The following AVEN variants were observed in gnomAD, a reference collection of about 807,000 sequenced individuals.
The protein encoded by AVEN is apoptosis and caspase activation inhibitor, also known as cell death regulator Aven.
Under a neutral mutation model 38.1 loss-of-function variants are expected in AVEN, and 41 were observed. The ratio of observed to expected loss-of-function variants is 1.08; its 90% confidence interval spans 0.84 to 1.40. The LOEUF (loss-of-function observed/expected upper bound fraction) is 1.40, where lower values mean the gene tolerates loss of function less well. AVEN is among the 40% of genes most tolerant of loss of function. The probability of loss-of-function intolerance (pLI) is 0.00; values close to 1 mark genes in which losing one functional copy is unlikely to be tolerated. For missense variants in AVEN, 605 were observed against 438.8 expected, an observed-to-expected ratio of 1.38 and a Z score of -3.38; for synonymous variants, 206 against 171.8, an observed-to-expected ratio of 1.20 and a Z score of -1.56.
chr15:34,038,281 T>C (rs1470066569), intron 1 of AVEN, among the ~76,000 whole-genome samples: 1 of 152,194 alleles, frequency 6.6e-6, no homozygotes, highest in Non-Finnish European at 1.5e-5. Context: ...CTCAACAAAC[T>C]TTTTATTATG....
chr15:34,064,690 C>T (rs1156424073), intron 4 of AVEN: 3 of 233,028 alleles, frequency 1.3e-5, no homozygotes, highest in African/African-American at 4.6e-5. Flanking sequence ...CCTGTGGAAA[C>T]CTGTCATAGA....
At chr15:33,939,276 T>C (rs990458638) in intron 2 of AVEN, among the ~76,000 whole-genome samples, 3 of 152,248 alleles carry the variant, frequency 2.0e-5, no homozygotes, top group African/African-American at 7.2e-5. Context: ...ATGTGTTCAA[T>C]AGTATTTAAA....
At chr15:34,053,798 G>C (rs111293185) in intron 5 of AVEN, among the ~76,000 whole-genome samples, 24,636 of 152,130 alleles carry the variant, frequency 0.16, 2,490 homozygotes, top group Middle Eastern at 0.26. Context: ...AGCATTAAAA[G>C]CAATTGCAAC....
intron 2 of AVEN, among the ~76,000 whole-genome samples, chr15:33,979,254 T>G (rs1248639854): frequency 6.6e-6 from 1 of 152,094 alleles, no homozygotes; most frequent in Non-Finnish European, 1.5e-5. Flanking sequence ...AGGCACGGTG[T>G]CCCATGCCTG....
downstream of AVEN, chr15:33,865,281 GTC>G: frequency 7.6e-7 from 1 of 1,310,788 alleles, no homozygotes; most frequent in Non-Finnish European, 1.1e-6. Context: ...ATGAAATAAA[GTC>G]CCCTTTTTAC....
chr15:33,978,752 G>A (rs941166582), intron 2 of AVEN, among the ~76,000 whole-genome samples: 2 of 152,056 alleles, frequency 1.3e-5, no homozygotes, highest in Non-Finnish European at 2.9e-5. Flanking sequence ...ACAGAATTCG[G>A]CCTTACTTTT....
At chr15:33,952,529 A>T (rs1204904693) in intron 2 of AVEN, among the ~76,000 whole-genome samples, 65 of 152,212 alleles carry the variant, frequency 4.3e-4, no homozygotes, top group Admixed American at 4.3e-3. Flanking sequence ...AATTACAATG[A>T]TTCTCCAAAA....
At chr15:33,883,771 G>A (rs7176081) in intron 2 of AVEN, 3 of 151,998 alleles carry the variant, frequency 2.0e-5, no homozygotes, top group South Asian at 2.1e-4. Flanking sequence ...CTTTTGGAAC[G>A]AAACAAAATG....
upstream of AVEN, among the ~76,000 whole-genome samples, chr15:34,040,718 T>C (rs955608985): frequency 1.3e-5 from 2 of 151,690 alleles, no homozygotes; most frequent in African/African-American, 2.4e-5. Flanking sequence ...GCCTGAGACA[T>C]GAGTTCAAGA....
chr15:34,034,446 TAAA>T (rs34205777), intron 1 of AVEN, among the ~76,000 whole-genome samples: 7 of 143,718 alleles, frequency 4.9e-5, no homozygotes, highest in African/African-American at 7.7e-5. Flanking sequence ...GTTTCTTTTT[TAAA>T]AAAAAAAAAA....
At chr15:34,068,969 G>A (rs1361766095) in intron 2 of AVEN, among the ~76,000 whole-genome samples, 20 of 151,800 alleles carry the variant, frequency 1.3e-4, no homozygotes, top group East Asian at 7.9e-4. Flanking sequence ...CTGCCACCAC[G>A]CCCGGCTAAT....
intron 2 of AVEN, among the ~76,000 whole-genome samples, chr15:33,958,459 C>A (rs1895039227): frequency 6.6e-6 from 1 of 151,896 alleles, no homozygotes; most frequent in South Asian, 2.1e-4. Context: ...GGCATGGTAG[C>A]ACACATCTGT....
At chr15:33,890,969 C>G (rs571547299) in intron 2 of AVEN, among the ~76,000 whole-genome samples, 1 of 151,950 alleles carries the variant, frequency 6.6e-6, no homozygotes, top group Non-Finnish European at 1.5e-5. Flanking sequence ...ATTAGCGGAG[C>G]GTGGTGGTGC....
At position 34,038,888 on chromosome 15, in the gene AVEN, A is replaced by ACGGCCC. The variant is rs1010522309; in HGVS notation, c.153_158dup (p.Arg57_Gly58dup). The ACGGCCC allele has an allele frequency of 5.0e-5, 57 of 1,136,800 alleles. No individual in the cohort carries two copies. The highest frequency in any genetic ancestry group is 3.7e-4 in the Middle Eastern group (1 of 2,700). 70.4% of individuals were successfully genotyped at this position (1,136,800 alleles called of 1,614,324 possible). On this transcript the variant is annotated inframe_insertion, in exon 1 of 6. Coordinates refer to ENST00000306730, the MANE Select transcript of AVEN (RefSeq NM_020371.3). ...CGCCGCGGAAGCCCCGGCCACGGCC[A>ACGGCCC]CGGCCCCGGCGTCCGCCTCCGTCCC...
At chr15:33,912,760 A>G (rs1892961336) in intron 2 of AVEN, among the ~76,000 whole-genome samples, 1 of 152,228 alleles carries the variant, frequency 6.6e-6, no homozygotes, top group South Asian at 2.1e-4. Flanking sequence ...TTGGTGGCAA[A>G]AGGAAAAAAC....
At chr15:33,877,291 G>A (rs1373864950) in intron 2 of AVEN, among the ~76,000 whole-genome samples, 2 of 152,066 alleles carry the variant, frequency 1.3e-5, no homozygotes, top group Admixed American at 6.5e-5. Flanking sequence ...TAACACCATG[G>A]TCATCTAACA....
At chr15:34,030,762 G>A (rs937237287) in intron 1 of AVEN, among the ~76,000 whole-genome samples, 1 of 152,002 alleles carries the variant, frequency 6.6e-6, no homozygotes, top group South Asian at 2.1e-4. Context: ...GAATACAGGC[G>A]TGCACCACCG....
At chr15:34,013,730 T>C (rs1015466766) in intron 1 of AVEN, among the ~76,000 whole-genome samples, 1 of 151,996 alleles carries the variant, frequency 6.6e-6, no homozygotes, top group African/African-American at 2.4e-5. Context: ...AGAAAAAACA[T>C]CACCAATGGG....
chr15:33,997,636 G>GA (rs1019602750), intron 2 of AVEN, among the ~76,000 whole-genome samples: 1 of 151,990 alleles, frequency 6.6e-6, no homozygotes, highest in Non-Finnish European at 1.5e-5. Context: ...CTTCTGCCCT[G>GA]AAAAAATCTG....
Sources: gnomAD v4.1 joint callset for allele counts (sites outside exome capture counted in the v4.1 genomes callset) on GRCh38, gnomAD v4.1.1 for gene constraint, MANE v1.5 for transcripts, NCBI Gene and HGNC (gene_info 2026-07-23, HGNC 2026-07-21) for gene names.